IPO11: variants seen among roughly 807,000 people sequenced by gnomAD.
The protein encoded by IPO11 is importin-11.
A neutral mutation model predicts 143.2 loss-of-function variants in IPO11; 66 were observed. That is an observed-to-expected ratio of 0.46 (90% confidence interval 0.38 to 0.57). IPO11 has a LOEUF of 0.57. IPO11 is among the 20% of genes least tolerant of loss of function. The pLI is 0.00. For synonymous variants in IPO11, 385 were observed against 377.8 expected (o/e 1.02, Z -0.22); for missense variants, 1,026 against 1,141.0 (o/e 0.90, Z 1.45).
At chr5:62,617,982 A>T (rs556670980) in intron 29 of IPO11, among the ~76,000 whole-genome samples, 1 of 152,238 alleles carries the variant, frequency 6.6e-6, no homozygotes, top group Admixed American at 6.5e-5. Context: ...TAGTGGGTGT[A>T]TAGTGACAGA....
At chr5:62,566,737 C>CAAA in intron 27 of IPO11, among the ~76,000 whole-genome samples, 1 of 64,818 alleles carries the variant, frequency 1.5e-5, no homozygotes, top group Non-Finnish European at 3.4e-5. Flanking sequence ...GACTCTGTCT[C>CAAA]AAAAAAAAAA....
intron 29 of IPO11, among the ~76,000 whole-genome samples, chr5:62,602,623 T>G (rs1334795761): frequency 2.0e-5 from 3 of 152,200 alleles, no homozygotes; most frequent in Non-Finnish European, 4.4e-5. Context: ...CATTTTAATC[T>G]GATCATTGTA....
chr5:62,431,016 T>G (rs1743966766), intron 1 of IPO11, among the ~76,000 whole-genome samples: 1 of 151,620 alleles, frequency 6.6e-6, no homozygotes, highest in African/African-American at 2.4e-5. Flanking sequence ...GTCTCCTCTG[T>G]CACCCAGGCT....
chr5:62,501,352 T>C (rs2112255896), intron 16 of IPO11, among the ~76,000 whole-genome samples: 1 of 152,334 alleles, frequency 6.6e-6, no homozygotes, highest in South Asian at 2.1e-4. Context: ...AAATATAAAT[T>C]CTGAAGGAAA....
chr5:62,521,629 A>G (rs1031961320), intron 20 of IPO11, among the ~76,000 whole-genome samples: 1 of 151,094 alleles, frequency 6.6e-6, no homozygotes, highest in African/African-American at 2.4e-5. Flanking sequence ...ATTGTATTTT[A>G]TTTCTTCCTC....
intron 27 of IPO11, among the ~76,000 whole-genome samples, chr5:62,571,806 C>A (rs1744140267): frequency 6.6e-6 from 1 of 152,234 alleles, no homozygotes; most frequent in Middle Eastern, 3.4e-3. Flanking sequence ...CTGCCCCAGC[C>A]TCCCCATTAG....
At chr5:62,460,746 T>G (rs1561320143) in intron 5 of IPO11, among the ~76,000 whole-genome samples, 1 of 152,204 alleles carries the variant, frequency 6.6e-6, no homozygotes. Context: ...AACTAGTACC[T>G]AACATGTTTC....
At chr5:62,435,719 T>C (rs1183100715) in intron 1 of IPO11, among the ~76,000 whole-genome samples, 1 of 149,708 alleles carries the variant, frequency 6.7e-6, no homozygotes, top group African/African-American at 2.5e-5. Context: ...AGCAAGACTC[T>C]GTCTCAAAAA....
intron 20 of IPO11, among the ~76,000 whole-genome samples, chr5:62,519,632 T>C (rs1164920741): frequency 6.6e-6 from 1 of 152,194 alleles, no homozygotes; most frequent in Non-Finnish European, 1.5e-5. Flanking sequence ...CCTCCACCCT[T>C]GTATTAATAA....
At chr5:62,558,772 A>C (rs917360838) in intron 26 of IPO11, among the ~76,000 whole-genome samples, 1 of 152,218 alleles carries the variant, frequency 6.6e-6, no homozygotes, top group Non-Finnish European at 1.5e-5. Flanking sequence ...ATATTTAATA[A>C]AAACAAAATT....
At chr5:62,569,210 C>G (rs192359420) in intron 27 of IPO11, among the ~76,000 whole-genome samples, 206 of 152,246 alleles carry the variant, frequency 1.4e-3, no homozygotes, top group Non-Finnish European at 2.6e-3. Context: ...TCTCTCTCCC[C>G]CAAGCACACA....
intron 27 of IPO11, among the ~76,000 whole-genome samples, chr5:62,589,476 C>T (rs897701749): frequency 2.0e-5 from 3 of 152,200 alleles, no homozygotes; most frequent in South Asian, 4.1e-4. Flanking sequence ...TCATCCTAGA[C>T]TCTTTCCTCC....
chr5:62,514,356 G>A (rs1250955980), intron 19 of IPO11, among the ~76,000 whole-genome samples: 1 of 152,060 alleles, frequency 6.6e-6, no homozygotes, highest in Non-Finnish European at 1.5e-5. Flanking sequence ...TCGGGAGGCC[G>A]AGGCTGGCGG....
At chr5:62,535,599 C>G (rs1742708560) in intron 22 of IPO11, among the ~76,000 whole-genome samples, 1 of 151,694 alleles carries the variant, frequency 6.6e-6, no homozygotes, top group African/African-American at 2.4e-5. Context: ...ATTTCCTGTC[C>G]CCTTCTTATC....
chr5:62,494,036 G>A lies in IPO11; in HGVS notation c.1502G>A (p.Gly501Asp). ...CGACGCAGGGTGATTTGGCTCATCG[G>A]TCAGTGGATTTCTGTGAAATTCAAG... ...PLRRRVIWLIGQWISVKFKSD... is the reference protein window; with the variant it reads ...PLRRRVIWLIDQWISVKFKSD... Residue 501 changes from glycine (G) to aspartate (D), a missense_variant, in exon 16 of 30, where the codon GGT becomes GAT. Transcript: ENST00000325324. 6.2e-7 allele frequency: 1 copy of A among 1,613,274 alleles called. No homozygotes were observed. Among genetic ancestry groups the A allele is most frequent in the Non-Finnish European group, 8.5e-7 (1 of 1,179,556 alleles).
At chr5:62,493,860 C>A in intron 15 of IPO11, 138 bp from the exon 16 acceptor site, 1 of 794,830 alleles carries the variant, frequency 1.3e-6, no homozygotes, top group South Asian at 2.2e-5. Flanking sequence ...TGAGCCAGCA[C>A]ACCTGCTTTT....
intron 1 of IPO11, among the ~76,000 whole-genome samples, chr5:62,420,945 G>C (rs1743494799): frequency 6.6e-6 from 1 of 152,182 alleles, no homozygotes; most frequent in South Asian, 2.1e-4. Context: ...TTTCATTAGA[G>C]ACAGCTAGAT....
intron 27 of IPO11, among the ~76,000 whole-genome samples, chr5:62,585,819 A>C (rs1296318365): frequency 6.6e-6 from 1 of 152,174 alleles, no homozygotes; most frequent in African/African-American, 2.4e-5. Context: ...ACAAGGAAAA[A>C]TTTCAGAGAT....
At chr5:62,591,800 C>A in intron 28 of IPO11, 128 bp downstream of exon 28, 1 of 530,118 alleles carries the variant, frequency 1.9e-6, no homozygotes, top group Non-Finnish European at 3.2e-6. Flanking sequence ...TATACAGAAA[C>A]GTTTTTGTTA....
Sources: allele counts gnomAD v4.1 joint callset (sites outside exome capture counted in the v4.1 genomes callset), GRCh38; gene constraint gnomAD v4.1.1; transcripts MANE v1.5; gene names NCBI Gene and HGNC (gene_info 2026-07-23, HGNC 2026-07-21).